ZNF215: variants seen among roughly 807,000 people sequenced by gnomAD.
ZNF215 encodes zinc finger protein 215.
A neutral mutation model predicts 27.2 loss-of-function variants in ZNF215; 24 were observed. The observed-to-expected ratio is 0.88, with a 90% CI of 0.64 to 1.24. The LOEUF (loss-of-function observed/expected upper bound fraction) is 1.24, where lower values mean the gene tolerates loss of function less well. ZNF215 is among the 50% of genes most tolerant of loss of function. ZNF215 has a pLI of 0.00. For missense variants in ZNF215, 675 were observed against 605.7 expected (o/e 1.11, Z -1.20); for synonymous variants, 210 against 204.0 (o/e 1.03, Z -0.25).
chr11:6,987,509 C>A (rs181998061), downstream of ZNF215, among the ~76,000 whole-genome samples: 2 of 152,194 alleles, frequency 1.3e-5, no homozygotes, highest in Admixed American at 6.5e-5. Context: ...GCACATGTAT[C>A]CCCGACTGTA....
intron 6 of ZNF215, among the ~76,000 whole-genome samples, chr11:6,950,097 T>C (rs1257314391): frequency 1.3e-5 from 2 of 151,856 alleles, no homozygotes; most frequent in African/African-American, 4.8e-5. Context: ...TCTATATCTC[T>C]GTTTTGGTAC....
At chr11:6,954,478 G>T (rs1850232831) in intron 6 of ZNF215, among the ~76,000 whole-genome samples, 1 of 152,256 alleles carries the variant, frequency 6.6e-6, no homozygotes, top group East Asian at 1.9e-4. Flanking sequence ...CCACCTTGCA[G>T]TTTGATGTCA....
intron 6 of ZNF215, among the ~76,000 whole-genome samples, chr11:6,952,804 T>C (rs959334724): frequency 6.6e-6 from 1 of 152,096 alleles, no homozygotes; most frequent in Non-Finnish European, 1.5e-5. Context: ...TTTTGCTGGT[T>C]AGTTGATGCA....
At position 6,943,543 on chromosome 11, in the gene ZNF215, C is replaced by A. The variant is rs781529604; in HGVS notation, c.617-3C>A. On this transcript the variant is annotated splice_region_variant and splice_polypyrimidine_tract_variant and intron_variant, in intron 5 of 6. Coordinates refer to ENST00000278319, the MANE Select transcript of ZNF215 (RefSeq NM_013250.4). The stretch of plus-strand genomic sequence containing the variant: ...TTGTTCTTTTTATTTTCTCCATGAA[C>A]AGCACATCTACTTTCCAAACCATTT... The A allele has an allele frequency of 2.5e-6, 4 of 1,611,620 alleles. No individual in the cohort carries two copies. Among genetic ancestry groups the A allele is most frequent in the Non-Finnish European group, 3.4e-6 (4 of 1,178,580 alleles).
chr11:6,942,938 T>G lies in ZNF215; in HGVS notation c.484-145T>G. 2.4e-6 allele frequency: 3 copies of G among 1,270,094 alleles called. No homozygotes were observed. The East Asian group carries it at 7.1e-5, about 30-fold the overall frequency. 78.7% of individuals were successfully genotyped at this position (1,270,094 alleles called of 1,614,324 possible). A position where few individuals can be genotyped will look rare whatever the true frequency, so the allele number is the denominator to read the frequency against. ...CTTACTAAAATTTGATTTTCATCACTTAGAACCTCAAACATTGTCCTCAGA... is the reference window on the plus strand; with the variant it reads ...CTTACTAAAATTTGATTTTCATCACGTAGAACCTCAAACATTGTCCTCAGA... On this transcript the variant is annotated intron_variant, in intron 4 of 6. Coordinates refer to ENST00000278319, the MANE Select transcript of ZNF215 (RefSeq NM_013250.4).
intron 2 of ZNF215, among the ~76,000 whole-genome samples, chr11:6,928,432 A>G (rs562969609): frequency 6.6e-5 from 10 of 152,290 alleles, no homozygotes; most frequent in Admixed American, 1.3e-4. Context: ...TTAATGAGTT[A>G]TATTTCATTA....
In ZNF215 at chr11:6,956,457, G is replaced by C. The variant is rs1850361583; in HGVS notation, c.1480G>C (p.Glu494Gln). ...GGGAGAGAAACCATTCAAATGTAAG[G>C]AATGTAGTAAAGCCTTCAACAGGAG... ...HTGEKPFKCK[E>Q]CSKAFNRSSN... The change falls in exon 7 of 7, where the codon GAA becomes CAA. Residue 494 changes from glutamate to glutamine, a missense_variant. Physicochemically the swap from Glu to Gln is conservative, Grantham distance 29. Transcript: ENST00000278319. 3.7e-6 allele frequency: 6 copies of C among 1,614,022 alleles called. No individual in the cohort carries two copies. The highest frequency in any genetic ancestry group is 2.2e-5 in the East Asian group (1 of 44,868).
rs141591704 is a variant in ZNF215 at position 6,940,143 on chromosome 11, G to A, written c.401-1428G>A. Among the ~76,000 whole-genome samples the A allele has an allele frequency of 1.7e-3, 265 of 151,940 alleles. 1 individual carries two copies. The highest frequency in any genetic ancestry group is 6.1e-3 in the African/African-American group (254 of 41,428). On this transcript the variant is annotated intron_variant, in intron 3 of 6. Transcript: ENST00000278319. ...TGCTATTCAAGAGGCTGAGGCAGGA[G>A]GATTGGTTGAGGCCAGGAGTTTGAG...
chr11:6,939,635 A>C (rs1292765831), intron 3 of ZNF215, among the ~76,000 whole-genome samples: 2 of 152,180 alleles, frequency 1.3e-5, no homozygotes, highest in African/African-American at 4.8e-5. Flanking sequence ...AGGGAGAAGG[A>C]AGAGTCTGTA....
At chr11:6,938,430 C>G (rs190028779) in intron 3 of ZNF215, among the ~76,000 whole-genome samples, 115 of 151,972 alleles carry the variant, frequency 7.6e-4, no homozygotes, top group Admixed American at 3.9e-3. Context: ...GGTGGTTCCT[C>G]AAAAAATTAA....
downstream of ZNF215, among the ~76,000 whole-genome samples, chr11:6,985,929 A>G (rs182113177): frequency 2.0e-3 from 302 of 152,294 alleles, 1 homozygote; most frequent in Non-Finnish European, 3.1e-3. Flanking sequence ...GGAAGAATCA[A>G]TATTATTTAA....
intron 5 of ZNF215, among the ~76,000 whole-genome samples, chr11:6,965,977 G>A (rs985036881): frequency 2.0e-5 from 3 of 152,146 alleles, no homozygotes; most frequent in Non-Finnish European, 2.9e-5. Flanking sequence ...AAGAATTTCA[G>A]TAAAACTGGT....
At chr11:6,931,082 C>A (rs560964918) in intron 2 of ZNF215, among the ~76,000 whole-genome samples, 2 of 152,140 alleles carry the variant, frequency 1.3e-5, no homozygotes, top group Non-Finnish European at 2.9e-5. Context: ...CCAGATTTCC[C>A]CTGTTGGTAA....
downstream of ZNF215, among the ~76,000 whole-genome samples, chr11:6,986,116 A>G (rs1437595023): frequency 6.6e-6 from 1 of 152,126 alleles, no homozygotes; most frequent in African/African-American, 2.4e-5. Flanking sequence ...ACATTACCCA[A>G]CTTCAAACTA....
chr11:6,974,501 A>T (rs1344779676), intron 5 of ZNF215, among the ~76,000 whole-genome samples: 1 of 152,102 alleles, frequency 6.6e-6, no homozygotes, highest in Non-Finnish European at 1.5e-5. Flanking sequence ...GGCCATTTTC[A>T]TGATATTGAT....
Position 6,956,631 on chromosome 11 carries a change from A to C in ZNF215, c.*100A>C. ...AATCTCATGAATATAATGTAAGAAAACATTTGTCAGATTTTTCTTTAAATG... is the reference window on the plus strand; with the variant it reads ...AATCTCATGAATATAATGTAAGAAACCATTTGTCAGATTTTTCTTTAAATG... On this transcript the variant is annotated 3_prime_UTR_variant, in exon 7 of 7. Transcript: ENST00000278319. 6.3e-6 allele frequency: 9 copies of C among 1,425,364 alleles called. No homozygotes were observed. The highest frequency in any genetic ancestry group is 8.2e-6 in the Non-Finnish European group (9 of 1,095,634). 88.3% of individuals were successfully genotyped at this position (1,425,364 alleles called of 1,614,324 possible).
chr11:6,946,562 C>T (rs1849821698), intron 6 of ZNF215, among the ~76,000 whole-genome samples: 1 of 152,180 alleles, frequency 6.6e-6, no homozygotes, highest in African/African-American at 2.4e-5. Context: ...CCCATCCCAG[C>T]TTTTGACATA....
At chr11:6,974,447 T>A (rs1452728381) in intron 5 of ZNF215, among the ~76,000 whole-genome samples, 1 of 152,232 alleles carries the variant, frequency 6.6e-6, no homozygotes, top group Non-Finnish European at 1.5e-5. Context: ...CATTGGTAGC[T>A]TGATAGGGAT....
intron 5 of ZNF215, among the ~76,000 whole-genome samples, chr11:6,983,418 A>G (rs1016691602): frequency 6.6e-6 from 1 of 152,222 alleles, no homozygotes; most frequent in Non-Finnish European, 1.5e-5. Flanking sequence ...TGAGGCCAGC[A>G]TCATCTTGAT....
Sources: gnomAD v4.1 joint callset for allele counts (sites outside exome capture counted in the v4.1 genomes callset) on GRCh38, gnomAD v4.1.1 for gene constraint, MANE v1.5 for transcripts, NCBI Gene and HGNC (gene_info 2026-07-23, HGNC 2026-07-21) for gene names.